CA13: variants seen among roughly 807,000 people sequenced by gnomAD.
CA13 encodes carbonic anhydrase 13, also known as CA-XIII.
A neutral mutation model predicts 31.5 loss-of-function variants in CA13; 21 were observed. That is an observed-to-expected ratio of 0.67 (90% confidence interval 0.47 to 0.96). The LOEUF is 0.96. Ranked by LOEUF, CA13 falls within the 40% of genes least tolerant of loss-of-function variation. The probability of loss-of-function intolerance (pLI) is 0.00; values close to 1 mark genes in which losing one functional copy is unlikely to be tolerated. For missense variants in CA13, 315 were observed against 318.9 expected (o/e 0.99, Z 0.09); for synonymous variants, 117 against 111.4 (o/e 1.05, Z -0.32).
intron 1 of CA13, chr8:85,246,166 G>GC (rs1239376310): frequency 6.0e-5 from 32 of 535,390 alleles, no homozygotes; most frequent in Non-Finnish European, 1.7e-5. Context: ...CAAGGACTTT[G>GC]CCTAGTAACA....
chr8:85,245,880 C>T lies in CA13; in HGVS notation c.37+15C>T. ...CGAGCACAACGGTGAGCGCCTTTTCCTGATCCAAGGGGGGGTTTGTGCGGG... is the reference window on the plus strand; with the variant it reads ...CGAGCACAACGGTGAGCGCCTTTTCTTGATCCAAGGGGGGGTTTGTGCGGG... On this transcript the variant is annotated intron_variant, in intron 1 of 6. Coordinates refer to ENST00000321764, the MANE Select transcript of CA13 (RefSeq NM_198584.3). 1.9e-6 allele frequency: 3 copies of T among 1,614,092 alleles called. No homozygotes were observed. The highest frequency in any genetic ancestry group is 2.5e-6 in the Non-Finnish European group (3 of 1,179,992).
chr8:85,271,669 C>T (rs532699118), intron 6 of CA13, among the ~76,000 whole-genome samples: 1 of 152,214 alleles, frequency 6.6e-6, no homozygotes, highest in African/African-American at 2.4e-5. Context: ...AAGAAAAAAA[C>T]TCTTTTTTGT....
At position 85,281,733 on chromosome 8, in the gene CA13, G is replaced by A. The variant is rs772227608; in HGVS notation, c.*384G>A. 5.7e-5 allele frequency: 9 copies of A among 157,120 alleles called. No homozygotes were observed. In the South Asian group the frequency reaches 5.8e-4, roughly 10 times the overall value. The allele number at this position is 157,120 out of a possible 1,614,324, so 9.7% of individuals were successfully genotyped here. On this transcript the variant is annotated 3_prime_UTR_variant, in exon 7 of 7. Transcript: ENST00000321764. ...GGGTCTTGCTATGTTGCCCAGGCTG[G>A]TCTCAAGCTCCTGCCCTAAAGTAGG...
chr8:85,252,058 G>A (rs112409502), intron 2 of CA13, among the ~76,000 whole-genome samples: 3,662 of 152,196 alleles, frequency 0.024, 151 homozygotes, highest in African/African-American at 0.084. Context: ...AGGAGTTCAA[G>A]ACCAGCTTGG....
intron 6 of CA13, among the ~76,000 whole-genome samples, chr8:85,276,521 T>C (rs1564005407): frequency 6.6e-6 from 1 of 152,270 alleles, no homozygotes; most frequent in Non-Finnish European, 1.5e-5. Context: ...AGAGCCTTTA[T>C]GTCTAGCTAA....
chr8:85,267,171 G>A (rs1807470394), intron 4 of CA13: 1 of 774,652 alleles, frequency 1.3e-6, no homozygotes, highest in Non-Finnish European at 1.6e-6. Flanking sequence ...TCATACCTGG[G>A]AACAGGTTGG....
chr8:85,269,272 TA>T (rs1807496315), intron 6 of CA13, among the ~76,000 whole-genome samples: 2 of 152,150 alleles, frequency 1.3e-5, no homozygotes, highest in Non-Finnish European at 2.9e-5. Flanking sequence ...GGCAACACTG[TA>T]AAACCTTGTC....
chr8:85,247,751 A>G (rs1337870216), intron 1 of CA13, among the ~76,000 whole-genome samples: 1 of 152,032 alleles, frequency 6.6e-6, no homozygotes. Context: ...TTGTATTTTT[A>G]GTAGAGACAA....
At chr8:85,255,106 C>T (rs182823691) in intron 2 of CA13, among the ~76,000 whole-genome samples, 15 of 151,304 alleles carry the variant, frequency 9.9e-5, no homozygotes, top group Non-Finnish European at 1.6e-4. Context: ...CCTCCTCCTT[C>T]TTCTTCTCTC....
chr8:85,272,444 TG>T (rs1213971228), intron 6 of CA13, among the ~76,000 whole-genome samples: 2 of 151,806 alleles, frequency 1.3e-5, no homozygotes, highest in Admixed American at 6.6e-5. Context: ...TTAGTAGAGA[TG>T]GGGTTTCACC....
chr8:85,263,508 G>A lies in CA13; in HGVS notation c.355-3100G>A, dbSNP rs141579725. On this transcript the variant is annotated intron_variant, in intron 3 of 6. Coordinates refer to ENST00000321764, the MANE Select transcript of CA13 (RefSeq NM_198584.3). ...TTTGGACTCTGGGGGTGGTGGAGACGAAGAGAGCTGGACAAATCTATGATG... is the reference window on the plus strand; with the variant it reads ...TTTGGACTCTGGGGGTGGTGGAGACAAAGAGAGCTGGACAAATCTATGATG... Among the ~76,000 whole-genome samples, 17 of 152,294 alleles carry A rather than the reference G, an allele frequency of 1.1e-4. 1 individual carries two copies. The East Asian group carries it at 3.1e-3, about 28-fold the overall frequency.
chr8:85,275,665 C>T (rs1364461444), intron 6 of CA13, among the ~76,000 whole-genome samples: 1 of 152,164 alleles, frequency 6.6e-6, no homozygotes, highest in Admixed American at 6.5e-5. Flanking sequence ...AGTTTTTACT[C>T]CCCATTGTCC....
rs991645036 is a variant in CA13, at chr8:85,283,898, G to T, written c.*2549G>T. The T allele has an allele frequency of 2.0e-5, 3 of 152,162 alleles. No individual in the cohort carries two copies. Among genetic ancestry groups the T allele is most frequent in the African/African-American group, 7.2e-5 (3 of 41,442 alleles). The allele number at this position is 152,162 out of a possible 1,614,324, so 9.4% of individuals were successfully genotyped here. The stretch of plus-strand genomic sequence containing the variant: ...TTGATATATCTTCTAGAGGCAAAAG[G>T]TTTAAATGTGTTAAAATGGTTATAT... On this transcript the variant is annotated 3_prime_UTR_variant, in exon 7 of 7. Coordinates refer to ENST00000321764, the MANE Select transcript of CA13 (RefSeq NM_198584.3).
At position 85,250,823 on chromosome 8, in the gene CA13, T is replaced by C; in HGVS notation, c.121T>C (p.Tyr41His). ...TGAGATTAAAACCAAAGAAGTGAAA[T>C]ATGACTCTTCCCTCCGACCACTTAG... is the stretch of plus-strand genomic sequence containing the variant. ...PIEIKTKEVK[Y>H]DSSLRPLSIK... The change falls in exon 2 of 7, where the codon TAT (tyrosine) becomes CAT (histidine). Residue 41 changes from tyrosine to histidine, a missense_variant. Tyr to His is a moderately conservative substitution (Grantham distance 83, BLOSUM62 2). Coordinates refer to ENST00000321764, the MANE Select transcript of CA13 (RefSeq NM_198584.3). The C allele has an allele frequency of 6.2e-7, 1 of 1,613,932 alleles. No individual in the cohort carries two copies.
rs1207099155 is a variant in CA13, at chr8:85,267,915, A to G, written c.464A>G (p.Asn155Ser). ...TCATGTTTTTAGATTGGTGAACCTAATTCCCAACTGCAAAAGATTACTGAC... is the reference window on the plus strand; with the variant it reads ...TCATGTTTTTAGATTGGTGAACCTAGTTCCCAACTGCAAAAGATTACTGAC... ...LGVFLQIGEP[N>S]SQLQKITDTL... Residue 155 changes from asparagine to serine, a missense_variant, in exon 5 of 7, where the codon AAT (asparagine) becomes AGT (serine). Transcript: ENST00000321764. 1 of 1,598,342 alleles carries G rather than the reference A, an allele frequency of 6.3e-7. No homozygotes were observed. Among genetic ancestry groups the G allele is most frequent in the East Asian group, 2.2e-5 (1 of 44,706 alleles).
At chr8:85,250,675 T>C in intron 1 of CA13, 65 bp from the exon 2 acceptor site, 1 of 1,003,986 alleles carries the variant, frequency 1.0e-6, no homozygotes, top group South Asian at 1.5e-5. Flanking sequence ...TGTGTTATAC[T>C]CAATGTATGT....
chr8:85,248,842 A>G (rs1206554715), intron 1 of CA13, among the ~76,000 whole-genome samples: 4 of 152,246 alleles, frequency 2.6e-5, no homozygotes, highest in Non-Finnish European at 5.9e-5. Context: ...TCACCTGCAT[A>G]TTGTAACACA....
chr8:85,278,757 A>G lies in CA13; in HGVS notation c.670-2473A>G, dbSNP rs372512817. On this transcript the variant is annotated intron_variant, in intron 6 of 6. Transcript: ENST00000321764. Reference sequence around the variant, plus strand: ...TTTTTCTACCTTTGTGTACTTTTGAACATTTACATAATAAAAAGTAAATTA... The same window carrying G: ...TTTTTCTACCTTTGTGTACTTTTGAGCATTTACATAATAAAAAGTAAATTA... 3.9e-5 allele frequency among the ~76,000 whole-genome samples: 6 copies of G among 152,318 alleles called. No individual in the cohort carries two copies. The East Asian group carries it at 1.2e-3, about 29-fold the overall frequency.
chr8:85,273,207 C>A (rs1232667548), intron 6 of CA13, among the ~76,000 whole-genome samples: 1 of 152,156 alleles, frequency 6.6e-6, no homozygotes, highest in Non-Finnish European at 1.5e-5. Context: ...TGCTTCATAC[C>A]CCTGCAAGCA....
Sources: gnomAD v4.1 joint callset for allele counts (sites outside exome capture counted in the v4.1 genomes callset) on GRCh38, gnomAD v4.1.1 for gene constraint, MANE v1.5 for transcripts, NCBI Gene and HGNC (gene_info 2026-07-23, HGNC 2026-07-21) for gene names.